Variants in LY96 observed in about 807,000 individuals in gnomAD.
LY96 encodes myeloid differentiation protein-2.
A neutral mutation model predicts 18.9 loss-of-function variants in LY96; 18 were observed. The ratio of observed to expected loss-of-function variants is 0.95; its 90% CI spans 0.66 to 1.41. LY96 has a LOEUF of 1.41. LY96 is among the 40% of genes most tolerant of loss of function. The probability of loss-of-function intolerance (pLI) is 0.00; values close to 1 mark genes in which losing one functional copy is unlikely to be tolerated. For synonymous variants in LY96, 66 were observed against 62.6 expected (o/e 1.06, Z -0.26); for missense variants, 175 against 182.4 (o/e 0.96, Z 0.23).
chr8:74,086,845 T>G, the LY96 span, among the ~76,000 whole-genome samples: 3 of 152,222 alleles, frequency 2.0e-5, no homozygotes, highest in Non-Finnish European at 4.4e-5. Context: ...AGGGGCCATC[T>G]ATCAACAAAG....
chr8:74,094,672 G>A, the LY96 span, among the ~76,000 whole-genome samples: 1 of 152,126 alleles, frequency 6.6e-6, no homozygotes, highest in Non-Finnish European at 1.5e-5. Context: ...TTGAAACAAA[G>A]CATATGATCA....
chr8:74,094,124 C>T, the LY96 span, among the ~76,000 whole-genome samples: 3 of 151,938 alleles, frequency 2.0e-5, no homozygotes, highest in African/African-American at 7.2e-5. Flanking sequence ...AAAGAAAGGA[C>T]CAGCAATTTA....
At chr8:74,068,079 A>ATATATAT in the LY96 span, among the ~76,000 whole-genome samples, 87 of 97,214 alleles carry the variant, frequency 8.9e-4, 1 homozygote, top group African/African-American at 4.6e-3. Flanking sequence ...AAAAAAAAAA[A>ATATATAT]AAAAAAAAAA....
chr8:74,093,371 GC>G, the LY96 span, among the ~76,000 whole-genome samples: 1 of 152,202 alleles, frequency 6.6e-6, no homozygotes, highest in Admixed American at 6.5e-5. Context: ...CTACTGCAGT[GC>G]CTGGCACATA....
the LY96 span, among the ~76,000 whole-genome samples, chr8:74,085,785 G>T: frequency 1.3e-5 from 2 of 152,162 alleles, no homozygotes; most frequent in South Asian, 4.2e-4. Flanking sequence ...AGTTTGAGAG[G>T]TACAATGTGT....
chr8:74,066,153 T>A, the LY96 span, among the ~76,000 whole-genome samples: 2 of 152,036 alleles, frequency 1.3e-5, no homozygotes, highest in South Asian at 4.1e-4. Context: ...AGATTCAGTT[T>A]CTGGTGAGGA....
downstream of LY96, among the ~76,000 whole-genome samples, chr8:74,032,388 G>A (rs1347776913): frequency 6.6e-6 from 1 of 152,192 alleles, no homozygotes; most frequent in Non-Finnish European, 1.5e-5. Flanking sequence ...CTGCGCCCTG[G>A]GCCTGGTAAA....
the LY96 span, among the ~76,000 whole-genome samples, chr8:74,044,067 C>T: frequency 2.6e-5 from 4 of 152,204 alleles, no homozygotes; most frequent in African/African-American, 9.6e-5. Context: ...CAAGCCAGAC[C>T]AGCGTTGTAA....
the LY96 span, among the ~76,000 whole-genome samples, chr8:74,048,495 A>G: frequency 6.6e-6 from 1 of 152,292 alleles, no homozygotes; most frequent in East Asian, 1.9e-4. Flanking sequence ...TTGGGAACCC[A>G]GGGCCCTTCT....
intron 3 of LY96, among the ~76,000 whole-genome samples, chr8:74,010,680 T>A (rs1171178035): frequency 6.8e-6 from 1 of 146,884 alleles, no homozygotes; most frequent in Non-Finnish European, 1.5e-5. Context: ...GAATGTATGT[T>A]AAAAAAAAAA....
At chr8:74,026,930 C>T in intron 4 of LY96, 89 bp downstream of exon 4, 4 of 696,312 alleles carry the variant, frequency 5.7e-6, no homozygotes, top group Non-Finnish European at 7.6e-6. Flanking sequence ...CAACTTCTTC[C>T]TTTTTCTTTC....
chr8:74,069,231 A>G, the LY96 span, among the ~76,000 whole-genome samples: 1 of 152,166 alleles, frequency 6.6e-6, no homozygotes, highest in Non-Finnish European at 1.5e-5. Context: ...AGTTTAATCT[A>G]TTTTTAAAAA....
chr8:74,029,628 C>G (rs764067143), downstream of LY96, among the ~76,000 whole-genome samples: 14 of 152,138 alleles, frequency 9.2e-5, no homozygotes, highest in Non-Finnish European at 2.9e-5. Context: ...CCCAGCCCTG[C>G]AGAGCCGTGA....
intron 1 of LY96, 83 bp from the exon 2 acceptor site, chr8:74,004,713 T>C: frequency 7.9e-7 from 1 of 1,261,532 alleles, no homozygotes; most frequent in African/African-American, 1.5e-5. Context: ...GCAAGATTCA[T>C]CTTAAAAGGC....
chr8:74,045,392 A>G, the LY96 span, among the ~76,000 whole-genome samples: 10 of 152,236 alleles, frequency 6.6e-5, no homozygotes, highest in Non-Finnish European at 8.8e-5. Context: ...ACTTAACAGC[A>G]GACAGATTTA....
At chr8:73,995,578 G>T (rs7822407) in intron 1 of LY96, among the ~76,000 whole-genome samples, 1 of 152,018 alleles carries the variant, frequency 6.6e-6, no homozygotes, top group East Asian at 1.9e-4. Context: ...CATTTCTGTC[G>T]GTCCATAACA....
the LY96 span, among the ~76,000 whole-genome samples, chr8:74,039,625 G>A: frequency 6.6e-6 from 1 of 152,182 alleles, no homozygotes; most frequent in Non-Finnish European, 1.5e-5. Flanking sequence ...GGTGAAGCAA[G>A]TCATGTGATC....
the LY96 span, among the ~76,000 whole-genome samples, chr8:74,079,258 G>C: frequency 6.6e-6 from 1 of 152,326 alleles, no homozygotes; most frequent in African/African-American, 2.4e-5. Context: ...TACTCCATCA[G>C]CTTTCCTGGG....
At chr8:74,001,159 A>C (rs1363828165) in intron 1 of LY96, among the ~76,000 whole-genome samples, 1 of 151,636 alleles carries the variant, frequency 6.6e-6, no homozygotes, top group Non-Finnish European at 1.5e-5. Flanking sequence ...ACATATAACA[A>C]CTCTACACTT....
Sources: allele counts gnomAD v4.1 joint callset (sites outside exome capture counted in the v4.1 genomes callset), GRCh38; gene constraint gnomAD v4.1.1; transcripts MANE v1.5; gene names NCBI Gene and HGNC (gene_info 2026-07-23, HGNC 2026-07-21).